The following C12orf42 variants were observed in gnomAD, a reference collection of about 807,000 sequenced individuals.
The protein encoded by C12orf42 is chromosome 12 open reading frame 42.
C12orf42 carries 25 observed loss-of-function variants against 21.6 expected under a neutral mutation model. The observed-to-expected ratio is 1.16, with a 90% CI of 0.84 to 1.62. C12orf42 has a LOEUF of 1.62. C12orf42 is among the 40% of genes most tolerant of loss of function. The pLI, the probability that C12orf42 is intolerant of heterozygous loss-of-function variation, is 0.00. For missense variants in C12orf42, 483 were observed against 459.3 expected, an observed-to-expected ratio of 1.05 and a Z score of -0.47; for synonymous variants, 174 against 175.0, an observed-to-expected ratio of 0.99 and a Z score of 0.05.
chr12:103,414,060 G>A (rs1468801009), intron 2 of C12orf42, among the ~76,000 whole-genome samples: 3 of 152,126 alleles, frequency 2.0e-5, no homozygotes, highest in African/African-American at 7.2e-5. Context: ...GTTCTTTAAG[G>A]AATCTCCATA....
At chr12:103,174,594 A>ATT in the C12orf42 span, among the ~76,000 whole-genome samples, 1 of 146,714 alleles carries the variant, frequency 6.8e-6, no homozygotes, top group Non-Finnish European at 1.5e-5. Flanking sequence ...CCTGACTTCT[A>ATT]ATCGCCAACC....
intron 5 of C12orf42, among the ~76,000 whole-genome samples, chr12:103,305,383 A>C (rs926289232): frequency 5.9e-5 from 9 of 152,336 alleles, no homozygotes; most frequent in African/African-American, 1.9e-4. Context: ...TTATTTATAT[A>C]AATCATTTAA....
chr12:103,533,405 T>A, the C12orf42 span, among the ~76,000 whole-genome samples: 1 of 152,206 alleles, frequency 6.6e-6, no homozygotes, highest in African/African-American at 2.4e-5. Flanking sequence ...TCGTCCATTG[T>A]GCTTTTGGTC....
chr12:103,182,772 T>C, the C12orf42 span, among the ~76,000 whole-genome samples: 1 of 152,258 alleles, frequency 6.6e-6, no homozygotes, highest in South Asian at 2.1e-4. Context: ...AAGCAAAAAC[T>C]GTTGTTTCTT....
chr12:103,392,116 T>C (rs1018851021), intron 3 of C12orf42, among the ~76,000 whole-genome samples: 3 of 152,242 alleles, frequency 2.0e-5, no homozygotes, highest in African/African-American at 7.2e-5. Context: ...GCATTTTTGT[T>C]GAAAATCAGT....
intron 10 of C12orf42, among the ~76,000 whole-genome samples, chr12:103,260,212 A>G (rs2034825617): frequency 6.6e-6 from 1 of 151,422 alleles, no homozygotes; most frequent in Non-Finnish European, 1.5e-5. Flanking sequence ...AGAAATAGAC[A>G]GGGGACCAGT....
At chr12:103,227,837 C>G in the C12orf42 span, among the ~76,000 whole-genome samples, 17 of 152,064 alleles carry the variant, frequency 1.1e-4, no homozygotes, top group African/African-American at 4.1e-4. Flanking sequence ...TCTCCTTTGT[C>G]TCTCCCAGAA....
chr12:103,454,222 T>C (rs530901134), intron 2 of C12orf42, among the ~76,000 whole-genome samples: 6 of 152,250 alleles, frequency 3.9e-5, no homozygotes, highest in African/African-American at 9.6e-5. Context: ...AGGAAGTCTA[T>C]AGTTTGTGCT....
chr12:103,167,353 CGGA>C, the C12orf42 span, among the ~76,000 whole-genome samples: 17 of 152,230 alleles, frequency 1.1e-4, no homozygotes, highest in East Asian at 3.1e-3. Context: ...ATAGGGTTCC[CGGA>C]GATTTACTGG....
rs375348501 is a variant in C12orf42 at position 103,414,187 on chromosome 12, T to A, written c.79-12512A>T. 2.6e-5 allele frequency among the ~76,000 whole-genome samples: 4 copies of A among 152,248 alleles called. No individual in the cohort carries two copies. The East Asian group carries it at 7.7e-4, about 29-fold the overall frequency. ...TTCATTATGGCCATTCTTGCAGGAG[T>A]AAGGTGGCATCACATTGTGGTTTTG... On this transcript the variant is annotated intron_variant, in intron 2 of 5. Transcript: ENST00000548883.
chr12:103,192,190 T>C, the C12orf42 span, among the ~76,000 whole-genome samples: 3 of 152,138 alleles, frequency 2.0e-5, no homozygotes, highest in Non-Finnish European at 2.9e-5. Flanking sequence ...GATCCAATTA[T>C]ATGCCACCAA....
intron 10 of C12orf42, among the ~76,000 whole-genome samples, chr12:103,256,052 CAAAAAAAAAAAAAAAAAA>C (rs1161719991): frequency 4.6e-4 from 8 of 17,516 alleles, no homozygotes; most frequent in African/African-American, 2.1e-3. Context: ...GACTCTGTCT[CAAAAAAAAAAAAAAAAAA>C]AAAAAAAAAA....
the C12orf42 span, among the ~76,000 whole-genome samples, chr12:103,502,105 C>T: frequency 6.6e-6 from 1 of 152,100 alleles, no homozygotes; most frequent in Non-Finnish European, 1.5e-5. Context: ...TCACCTGGAC[C>T]CTATCTTCCT....
Position 103,428,177 on chromosome 12 carries a change from G to A in C12orf42, c.79-26502C>T, listed in dbSNP as rs189825298. 3.5e-4 allele frequency among the ~76,000 whole-genome samples: 53 copies of A among 152,226 alleles called. No homozygotes were observed. The East Asian group carries it at 6.0e-3, about 17-fold the overall frequency. On this transcript the variant is annotated intron_variant, in intron 2 of 5. Transcript: ENST00000548883. ...ACCCTTCAAAAAATCCAAGAATCCAGGAGCTGGTTTTTTGAAAAGACTAGC... is the reference window on the plus strand; with the variant it reads ...ACCCTTCAAAAAATCCAAGAATCCAAGAGCTGGTTTTTTGAAAAGACTAGC...
chr12:103,510,288 T>C, the C12orf42 span, among the ~76,000 whole-genome samples: 2 of 152,290 alleles, frequency 1.3e-5, no homozygotes, highest in African/African-American at 2.4e-5. Context: ...TTCTCACTCA[T>C]AGTTGGGAGC....
At chr12:103,478,950 C>A (rs1954271935) in intron 1 of C12orf42, among the ~76,000 whole-genome samples, 1 of 152,028 alleles carries the variant, frequency 6.6e-6, no homozygotes, top group Non-Finnish European at 1.5e-5. Context: ...ATTGTATCAC[C>A]TAGTAATAGT....
At chr12:103,178,436 G>A in the C12orf42 span, 1 of 152,140 alleles carries the variant, frequency 6.6e-6, no homozygotes, top group Non-Finnish European at 1.5e-5. Flanking sequence ...CACCTGGCTC[G>A]AGCCACCAAG....
chr12:103,369,670 A>C (rs1291192000), intron 3 of C12orf42, among the ~76,000 whole-genome samples: 1 of 152,082 alleles, frequency 6.6e-6, no homozygotes, highest in Non-Finnish European at 1.5e-5. Context: ...GAGGAGAAAG[A>C]GCTACAAAGA....
intron 2 of C12orf42, among the ~76,000 whole-genome samples, chr12:103,454,352 A>G (rs1381181867): frequency 1.3e-5 from 2 of 152,104 alleles, no homozygotes; most frequent in Non-Finnish European, 2.9e-5. Flanking sequence ...AATACTAATC[A>G]AAATTCATGA....
Sources: allele counts gnomAD v4.1 joint callset (sites outside exome capture counted in the v4.1 genomes callset), GRCh38; gene constraint gnomAD v4.1.1; transcripts MANE v1.5; gene names NCBI Gene and HGNC (gene_info 2026-07-23, HGNC 2026-07-21).